The following TRIM54 variants were observed in gnomAD, a reference collection of about 807,000 sequenced individuals.
The protein encoded by TRIM54 is tripartite motif-containing protein 54.
In TRIM54, 40 loss-of-function variants were observed where a neutral mutation model predicts 42.0. The observed-to-expected ratio is 0.95, with a 90% CI of 0.74 to 1.24. The LOEUF is 1.24. Ranked by LOEUF, TRIM54 falls within the 50% of genes most tolerant of loss-of-function variation. The pLI, the probability that TRIM54 is intolerant of heterozygous loss-of-function variation, is 0.00. For synonymous variants in TRIM54, 199 were observed against 194.9 expected, an observed-to-expected ratio of 1.02 and a Z score of -0.17; for missense variants, 485 against 480.3, an observed-to-expected ratio of 1.01 and a Z score of -0.09.
At position 27,306,142 on chromosome 2, in the gene TRIM54, C is replaced by T. The variant is rs1679198501; in HGVS notation, c.866+40C>T. Reference sequence around the variant, plus strand: ...CGGGAAGGGAAAGGAGGGGGCTGCACTGCTCCACTGGCTGGGGTGGGGCTT... The same window carrying T: ...CGGGAAGGGAAAGGAGGGGGCTGCATTGCTCCACTGGCTGGGGTGGGGCTT... On this transcript the variant is annotated intron_variant, in intron 6 of 8. Transcript: ENST00000380075. This position sits in a 1 kb window ranked among gnomAD's most constrained non-coding sequence, Gnocchi z 6.1. The T allele has an allele frequency of 6.2e-7, 1 of 1,613,946 alleles. No homozygotes were observed. The highest frequency in any genetic ancestry group is 1.3e-5 in the African/African-American group (1 of 74,934).
chr2:27,305,114 C>T, intron 4 of TRIM54, 60 bp downstream of exon 4: 1 of 1,427,532 alleles, frequency 7.0e-7, no homozygotes, highest in East Asian at 2.4e-5. Context: ...ACCCCGGGCT[C>T]CCAAGAGAAC....
chr2:27,298,947 C>G (rs1269365576), intron 2 of TRIM54, among the ~76,000 whole-genome samples: 2 of 152,224 alleles, frequency 1.3e-5, no homozygotes, highest in Non-Finnish European at 2.9e-5. Context: ...CCTACCCTCT[C>G]CTCCTGGGAG....
intron 1 of TRIM54, among the ~76,000 whole-genome samples, chr2:27,291,812 C>T (rs1323399499): frequency 1.3e-5 from 2 of 152,066 alleles, no homozygotes; most frequent in Non-Finnish European, 2.9e-5. Flanking sequence ...CAGCCAGGCC[C>T]GACGGAGATA....
chr2:27,298,141 G>A (rs1678914927), intron 1 of TRIM54, among the ~76,000 whole-genome samples: 1 of 152,092 alleles, frequency 6.6e-6, no homozygotes, highest in Non-Finnish European at 1.5e-5. Flanking sequence ...TTGTACCCCT[G>A]CCCAGGACTG....
Position 27,306,908 on chromosome 2 carries a change from C to A in TRIM54, c.*23C>A. ...ACAGGCCTGCGCCGACCCGACCCTG[C>A]TCGAGAGCCCGCGCTAGAGTCGGGG... is the stretch of plus-strand genomic sequence containing the variant. On this transcript the variant is annotated 3_prime_UTR_variant, in exon 9 of 9. Coordinates refer to ENST00000380075, the MANE Select transcript of TRIM54 (RefSeq NM_187841.3). The surrounding 1 kb of genome is among the most constrained non-coding windows in gnomAD (Gnocchi z 6.1). 3.0e-6 allele frequency: 1 copy of A among 330,448 alleles called. No individual in the cohort carries two copies. Among genetic ancestry groups the A allele is most frequent in the South Asian group, 4.6e-5 (1 of 21,810 alleles). The allele number at this position is 330,448 out of a possible 1,614,324, so 20.5% of individuals were successfully genotyped here. A position where few individuals can be genotyped will look rare whatever the true frequency, so the allele number is the denominator to read the frequency against.
chr2:27,296,154 C>A (rs1481326980), intron 1 of TRIM54, among the ~76,000 whole-genome samples: 3 of 152,208 alleles, frequency 2.0e-5, no homozygotes, highest in African/African-American at 7.2e-5. Flanking sequence ...TGCCTACAGC[C>A]CTTGCTACCA....
Position 27,307,231 on chromosome 2 carries a change from G to C in TRIM54, c.*346G>C. 2.1e-6 allele frequency: 1 copy of C among 484,122 alleles called. No homozygotes were observed. The highest frequency in any genetic ancestry group is 2.2e-5 in the South Asian group (1 of 45,126). 30.0% of individuals were successfully genotyped at this position (484,122 alleles called of 1,614,324 possible). Reference sequence around the variant, plus strand: ...GTGGTGCCGGGACCTCTGAGGTCCTGGGGATTTGGGGACCCTTGGGGTCCA... The same window carrying C: ...GTGGTGCCGGGACCTCTGAGGTCCTCGGGATTTGGGGACCCTTGGGGTCCA... On this transcript the variant is annotated 3_prime_UTR_variant, in exon 9 of 9. Transcript: ENST00000380075. The surrounding 1 kb of genome is among the most constrained non-coding windows in gnomAD (Gnocchi z 6.9).
At chr2:27,289,997 G>A (rs1341864318) in intron 1 of TRIM54, among the ~76,000 whole-genome samples, 2 of 146,976 alleles carry the variant, frequency 1.4e-5, no homozygotes, top group East Asian at 2.1e-4. Context: ...TCAGCTTCCC[G>A]AGTAGCTGGG....
intron 1 of TRIM54, among the ~76,000 whole-genome samples, chr2:27,287,512 G>T (rs185749073): frequency 9.3e-5 from 14 of 151,224 alleles, no homozygotes; most frequent in Admixed American, 9.2e-4. Context: ...TGACCGAAAA[G>T]GGTGTTTTAA....
intron 1 of TRIM54, among the ~76,000 whole-genome samples, chr2:27,295,932 C>G (rs1678855897): frequency 6.6e-6 from 1 of 152,154 alleles, no homozygotes; most frequent in Admixed American, 6.6e-5. Flanking sequence ...AAACTAAACT[C>G]AACAATATTC....
Position 27,306,685 on chromosome 2 carries a change from C to A in TRIM54, c.*1+143C>A. 1 of 912,114 alleles carries A rather than the reference C, an allele frequency of 1.1e-6. No homozygotes were observed. The allele number at this position is 912,114 out of a possible 1,614,324, so 56.5% of individuals were successfully genotyped here. ...GCCCCCACTCCTCGGTGCAACCCAA[C>A]CCCGGAGCCACAAAGGCGCGCCCCC... On this transcript the variant is annotated intron_variant, in intron 8 of 8. Coordinates refer to ENST00000380075, the MANE Select transcript of TRIM54 (RefSeq NM_187841.3). This position sits in a 1 kb window ranked among gnomAD's most constrained non-coding sequence, Gnocchi z 6.1.
chr2:27,291,943 C>A (rs1042098358), intron 1 of TRIM54, among the ~76,000 whole-genome samples: 1 of 152,146 alleles, frequency 6.6e-6, no homozygotes, highest in Non-Finnish European at 1.5e-5. Context: ...CTGAGCAAGA[C>A]GGTGGGAAAG....
At chr2:27,288,066 C>T (rs772181388) in intron 1 of TRIM54, among the ~76,000 whole-genome samples, 11 of 152,216 alleles carry the variant, frequency 7.2e-5, no homozygotes, top group Non-Finnish European at 1.5e-4. Context: ...TTTACAGTCC[C>T]TCTTATACCT....
At chr2:27,292,806 G>A (rs1214155118) in intron 1 of TRIM54, among the ~76,000 whole-genome samples, 1 of 152,058 alleles carries the variant, frequency 6.6e-6, no homozygotes, top group Non-Finnish European at 1.5e-5. Flanking sequence ...TTGTCCTTTT[G>A]TGTCTGGCTT....
intron 1 of TRIM54, among the ~76,000 whole-genome samples, chr2:27,284,217 C>A (rs1025784099): frequency 6.6e-6 from 1 of 152,220 alleles, no homozygotes; most frequent in African/African-American, 2.4e-5. Flanking sequence ...ACATCCCAAA[C>A]AAGTATTCTT....
rs1193384994 is a variant in TRIM54 at position 27,306,339 on chromosome 2, T to G, written c.991+2T>G. ...TGCGGACCATCGACTTCCAGCCAGG[T>G]GAAGGAGGTGGCCGAGGGCCGCTGA... On this transcript the variant is annotated splice_donor_variant, in intron 7 of 8. Coordinates refer to ENST00000380075, the MANE Select transcript of TRIM54 (RefSeq NM_187841.3). LOFTEE classifies it high-confidence loss of function. The surrounding 1 kb of genome is among the most constrained non-coding windows in gnomAD (Gnocchi z 6.1). 6.2e-7 allele frequency: 1 copy of G among 1,613,900 alleles called. No individual in the cohort carries two copies. The highest frequency in any genetic ancestry group is 8.5e-7 in the Non-Finnish European group (1 of 1,179,928).
At chr2:27,303,379 G>T (rs1416068774) in intron 3 of TRIM54, among the ~76,000 whole-genome samples, 1 of 151,952 alleles carries the variant, frequency 6.6e-6, no homozygotes, top group Non-Finnish European at 1.5e-5. Flanking sequence ...GTGAAATCCC[G>T]TCTCTACTAA....
At chr2:27,285,158 G>A (rs1678521819) in intron 1 of TRIM54, among the ~76,000 whole-genome samples, 1 of 152,146 alleles carries the variant, frequency 6.6e-6, no homozygotes, top group African/African-American at 2.4e-5. Flanking sequence ...TGCTTATTTG[G>A]GAGGGCCTGG....
chr2:27,293,210 G>C (rs1426218773), intron 1 of TRIM54, among the ~76,000 whole-genome samples: 1 of 152,040 alleles, frequency 6.6e-6, no homozygotes, highest in African/African-American at 2.4e-5. Context: ...CTTTTATCTG[G>C]AGCTGAAGGT....
Sources: allele counts gnomAD v4.1 joint callset (sites outside exome capture counted in the v4.1 genomes callset), GRCh38; gene constraint gnomAD v4.1.1; non-coding constraint Gnocchi (gnomAD v3.1); transcripts MANE v1.5; gene names NCBI Gene and HGNC (gene_info 2026-07-23, HGNC 2026-07-21).